Variants in PPHLN1 observed in about 807,000 individuals in gnomAD.
The protein encoded by PPHLN1 is periphilin-1.
In PPHLN1, 29 loss-of-function variants were observed where a neutral mutation model predicts 51.3. That is an observed-to-expected ratio of 0.57 (90% CI 0.42 to 0.77). The LOEUF (loss-of-function observed/expected upper bound fraction) is 0.77. PPHLN1 is among the 30% of genes least tolerant of loss of function. The pLI, the probability that PPHLN1 is intolerant of heterozygous loss-of-function variation, is 0.00. For synonymous variants in PPHLN1, 147 were observed against 147.8 expected (o/e 0.99, Z 0.04); for missense variants, 436 against 438.4 (o/e 0.99, Z 0.05).
intron 9 of PPHLN1, among the ~76,000 whole-genome samples, chr12:42,426,079 G>T (rs2081427230): frequency 6.6e-6 from 1 of 151,960 alleles, no homozygotes; most frequent in Non-Finnish European, 1.5e-5. Flanking sequence ...TATCTTAGTG[G>T]CATCCCTGAA....
In PPHLN1 at chr12:42,398,830, A is replaced by G. The variant is rs113100735; in HGVS notation, c.769-24A>G. 5.6e-6 allele frequency: 9 copies of G among 1,608,596 alleles called. No homozygotes were observed. In the African/African-American group the frequency reaches 6.7e-5, roughly 12 times the overall value. ...CTCTATGTTTTTTAAGAAAATAATT[A>G]AAGATTTCTAATTCCTTTTCAAGGC... On this transcript the variant is annotated intron_variant, in intron 8 of 9. Coordinates refer to ENST00000358314, the MANE Select transcript of PPHLN1 (RefSeq NM_201439.2).
chr12:42,368,389 T>C (rs1055833146), intron 4 of PPHLN1, among the ~76,000 whole-genome samples: 1 of 152,218 alleles, frequency 6.6e-6, no homozygotes, highest in Non-Finnish European at 1.5e-5. Flanking sequence ...TGAGAGTCCA[T>C]GTATTCATGT....
chr12:42,337,400 A>G (rs2070828371), intron 2 of PPHLN1, among the ~76,000 whole-genome samples: 1 of 147,880 alleles, frequency 6.8e-6, no homozygotes, highest in Admixed American at 6.8e-5. Context: ...GGTTCAAGCG[A>G]TTCTTCTGTC....
intron 4 of PPHLN1, among the ~76,000 whole-genome samples, chr12:42,363,222 A>G (rs978706965): frequency 2.6e-5 from 4 of 152,180 alleles, no homozygotes; most frequent in Non-Finnish European, 5.9e-5. Context: ...ACCTGACACC[A>G]GTATCATCAC....
At chr12:42,444,879 A>C (rs2083216637), downstream of PPHLN1, 4 of 582,224 alleles carry the variant, frequency 6.9e-6, no homozygotes, top group Non-Finnish European at 1.2e-5. Context: ...CTCTCGTAAA[A>C]ATGGAAAAGC....
At chr12:42,426,365 C>CG (rs2081500087) in intron 9 of PPHLN1, among the ~76,000 whole-genome samples, 1 of 152,138 alleles carries the variant, frequency 6.6e-6, no homozygotes, top group Non-Finnish European at 1.5e-5. Flanking sequence ...TTAGTTCAGT[C>CG]AGGGCTTCAT....
At position 42,346,728 on chromosome 12, in the gene PPHLN1, C is replaced by T. The variant is rs140221495; in HGVS notation, c.73-5157C>T. Reference sequence around the variant, plus strand: ...CCCACCAACAATGTATTAGGGTTCTCTTTCTCTCATACCCTCACCAACATT... The same window carrying T: ...CCCACCAACAATGTATTAGGGTTCTTTTTCTCTCATACCCTCACCAACATT... On this transcript the variant is annotated intron_variant, in intron 2 of 9. Coordinates refer to ENST00000358314, the MANE Select transcript of PPHLN1 (RefSeq NM_201439.2). Among the ~76,000 whole-genome samples, 1,306 of 152,206 alleles carry T rather than the reference C, an allele frequency of 8.6e-3. 13 individuals carry two copies. Among genetic ancestry groups the T allele is most frequent in the South Asian group, 0.015 (71 of 4,828 alleles).
intron 9 of PPHLN1, among the ~76,000 whole-genome samples, chr12:42,420,269 G>A (rs1381231133): frequency 1.3e-5 from 2 of 151,142 alleles, no homozygotes; most frequent in Non-Finnish European, 2.9e-5. Flanking sequence ...CTTAAATAGT[G>A]TCATCTTGAA....
rs1393289774 is a variant in PPHLN1 at position 42,398,936 on chromosome 12, A to G, written c.851A>G (p.Asp284Gly). The change falls in exon 9 of 10, where the codon GAT (aspartate) becomes GGT (glycine). Residue 284 changes from aspartate (D) to glycine (G), a missense_variant. By Grantham distance (94) the Asp-to-Gly change is moderately conservative. Coordinates refer to ENST00000358314, the MANE Select transcript of PPHLN1 (RefSeq NM_201439.2). ...NTTHGIELFEDSQLTTRSKAI... is the reference protein window; with the variant it reads ...NTTHGIELFEGSQLTTRSKAI... ...ACACATGGGATAGAATTATTTGAAG[A>G]TAGTCAGCTAACCACTCGCTCTAAA... 2 of 1,614,042 alleles carry G rather than the reference A, an allele frequency of 1.2e-6. No individual in the cohort carries two copies. Among genetic ancestry groups the G allele is most frequent in the East Asian group, 4.5e-5 (2 of 44,892 alleles).
intron 7 of PPHLN1, among the ~76,000 whole-genome samples, chr12:42,390,722 T>C (rs964379733): frequency 6.6e-6 from 1 of 151,798 alleles, no homozygotes; most frequent in Non-Finnish European, 1.5e-5. Context: ...GTGTATTCTA[T>C]GTGTGGTCCA....
chr12:42,386,929 T>A (rs967046445), intron 6 of PPHLN1: 1 of 152,264 alleles, frequency 6.6e-6, no homozygotes, highest in Non-Finnish European at 1.5e-5. Context: ...TATTTGGGCA[T>A]TCATTAATGC....
intron 6 of PPHLN1, 102 bp from the exon 7 acceptor site, chr12:42,387,354 C>A: frequency 7.9e-7 from 1 of 1,267,470 alleles, no homozygotes. Flanking sequence ...AGTTTTAGTA[C>A]TAAAATAAGT....
chr12:42,428,085 G>A (rs533252909), intron 9 of PPHLN1, among the ~76,000 whole-genome samples: 9 of 152,200 alleles, frequency 5.9e-5, no homozygotes, highest in African/African-American at 1.4e-4. Flanking sequence ...AAGAATGGCC[G>A]TAATCAAAAA....
intron 1 of PPHLN1, among the ~76,000 whole-genome samples, chr12:42,334,618 T>G (rs1232463257): frequency 6.6e-6 from 1 of 152,212 alleles, no homozygotes; most frequent in Non-Finnish European, 1.5e-5. Context: ...CTTTTGACAT[T>G]AAGTCTTTTT....
At chr12:42,357,770 T>C (rs11181457) in intron 4 of PPHLN1, among the ~76,000 whole-genome samples, 24,737 of 152,168 alleles carry the variant, frequency 0.16, 2,061 homozygotes, top group Admixed American at 0.2. Context: ...GATACGAGTG[T>C]AGTTTTGTTA....
In PPHLN1 at chr12:42,417,322, TAGG is replaced by T. The variant is rs1367388352; in HGVS notation, c.909+18333_909+18335del. On this transcript the variant is annotated intron_variant, in intron 9 of 9. Coordinates refer to ENST00000358314, the MANE Select transcript of PPHLN1 (RefSeq NM_201439.2). ...AATTCGGAGAAACACTTTTCTGAGA[TAGG>T]AGGAAAGGAAAATAAAGGACAACAT... Among the ~76,000 whole-genome samples the T allele has an allele frequency of 2.0e-5, 3 of 151,944 alleles. No individual in the cohort carries two copies. The East Asian group carries it at 5.8e-4, about 29-fold the overall frequency.
chr12:42,402,466 G>A (rs1009148785), intron 9 of PPHLN1, among the ~76,000 whole-genome samples: 1 of 151,922 alleles, frequency 6.6e-6, no homozygotes, highest in African/African-American at 2.4e-5. Flanking sequence ...TTTTTATTTT[G>A]AATTCCGTAC....
chr12:42,417,095 T>A (rs1230571991), intron 9 of PPHLN1, among the ~76,000 whole-genome samples: 1 of 152,046 alleles, frequency 6.6e-6, no homozygotes, highest in Non-Finnish European at 1.5e-5. Flanking sequence ...ATTGGTAGAG[T>A]CTGAAATGCA....
At chr12:42,383,641 A>G (rs1020723386) in intron 5 of PPHLN1, among the ~76,000 whole-genome samples, 3 of 152,308 alleles carry the variant, frequency 2.0e-5, no homozygotes, top group East Asian at 1.9e-4. Flanking sequence ...TTAGTAGTGC[A>G]TGAAATGATT....
Sources: allele counts gnomAD v4.1 joint callset (sites outside exome capture counted in the v4.1 genomes callset), GRCh38; gene constraint gnomAD v4.1.1; transcripts MANE v1.5; gene names NCBI Gene and HGNC (gene_info 2026-07-23, HGNC 2026-07-21).